Variants in IQCM observed in about 807,000 individuals in gnomAD.
The protein encoded by IQCM is IQ motif containing M, also known as IQ domain-containing protein M.
In IQCM, 45 loss-of-function variants were observed where a neutral mutation model predicts 57.6. That is an observed-to-expected ratio of 0.78 (90% CI 0.62 to 1.00). IQCM has a LOEUF of 1.00. IQCM is among the 50% of genes least tolerant of loss of function. The pLI, the probability that IQCM is intolerant of heterozygous loss-of-function variation, is 0.00. For synonymous variants in IQCM, 148 were observed against 158.9 expected, an observed-to-expected ratio of 0.93 and a Z score of 0.51; for missense variants, 468 against 511.6, an observed-to-expected ratio of 0.91 and a Z score of 0.82.
chr4:149,378,622 C>T (rs1035243017), intron 13 of IQCM, among the ~76,000 whole-genome samples: 24 of 152,086 alleles, frequency 1.6e-4, no homozygotes, highest in African/African-American at 5.3e-4. Context: ...TTCTAAGCAA[C>T]AAAGCATTCA....
chr4:149,505,617 A>G (rs922607361), intron 12 of IQCM, among the ~76,000 whole-genome samples: 1 of 152,216 alleles, frequency 6.6e-6, no homozygotes, highest in Non-Finnish European at 1.5e-5. Flanking sequence ...CACCAGAAAC[A>G]GTTTGTTGCT....
intron 9 of IQCM, among the ~76,000 whole-genome samples, chr4:149,575,511 T>G (rs1206810650): frequency 6.6e-6 from 1 of 151,844 alleles, no homozygotes; most frequent in African/African-American, 2.4e-5. Context: ...GGCAAATTTT[T>G]AAAATAGTTT....
chr4:149,462,171 GGTCTGGAGTGGA>G (rs1355684749), intron 12 of IQCM, among the ~76,000 whole-genome samples: 1 of 152,102 alleles, frequency 6.6e-6, no homozygotes, highest in Non-Finnish European at 1.5e-5. Flanking sequence ...TTATATAGTA[GGTCTGGAGTGGA>G]GCCTGAGATT....
chr4:149,566,946 G>T (rs1750692117), intron 9 of IQCM, among the ~76,000 whole-genome samples: 3 of 152,108 alleles, frequency 2.0e-5, no homozygotes, highest in Admixed American at 6.6e-5. Flanking sequence ...ACAGAGAAAT[G>T]CTTGTGAATC....
At chr4:149,469,574 C>A (rs1211166331) in intron 12 of IQCM, among the ~76,000 whole-genome samples, 1 of 152,068 alleles carries the variant, frequency 6.6e-6, no homozygotes, top group Admixed American at 6.5e-5. Flanking sequence ...GGAGAACTTC[C>A]CCAACCTAGT....
chr4:149,701,493 T>C (rs1490388867), intron 5 of IQCM, among the ~76,000 whole-genome samples: 1 of 152,028 alleles, frequency 6.6e-6, no homozygotes, highest in Non-Finnish European at 1.5e-5. Flanking sequence ...AGGTTGTTTT[T>C]ATTTATTTAA....
rs751057249 is a variant in IQCM, at chr4:149,481,701, G to GTTTTTTTTTTTTGTTTTTTGTTT, written c.1229-48145_1229-48144insAAACAAAAAACAAAAAAAAAAAA. Among the ~76,000 whole-genome samples the GTTTTTTTTTTTTGTTTTTTGTTT allele has an allele frequency of 3.1e-3, 159 of 51,576 alleles. 12 individuals carry two copies. Among genetic ancestry groups the GTTTTTTTTTTTTGTTTTTTGTTT allele is most frequent in the Non-Finnish European group, 3.5e-3 (96 of 27,380 alleles). 33.8% of individuals were successfully genotyped at this position (51,576 alleles called of 152,430 possible). On this transcript the variant is annotated intron_variant, in intron 12 of 13. Coordinates refer to ENST00000636793, the MANE Select transcript of IQCM (RefSeq NM_001363507.2). ...CATGTAATGTGATTCTTCCAGTTTTGTTTTTTTTTTTTTTTTTTTTTGCTT... is the reference window on the plus strand; with the variant it reads ...CATGTAATGTGATTCTTCCAGTTTTGTTTTTTTTTTTTGTTTTTTGTTTTTTTTTTTTTTTTTTTTTTTTGCTT...
intron 7 of IQCM, among the ~76,000 whole-genome samples, chr4:149,653,287 T>C (rs1759353623): frequency 6.6e-6 from 1 of 152,108 alleles, no homozygotes; most frequent in Non-Finnish European, 1.5e-5. Context: ...CACGTTTCCT[T>C]ATCCCATCAG....
intron 2 of IQCM, among the ~76,000 whole-genome samples, chr4:149,744,347 T>A (rs1767730555): frequency 6.6e-6 from 1 of 152,200 alleles, no homozygotes; most frequent in Non-Finnish European, 1.5e-5. Context: ...CTGGCCTGGT[T>A]TAACTACACT....
At chr4:149,698,847 C>T (rs563987215) in intron 5 of IQCM, among the ~76,000 whole-genome samples, 1 of 151,934 alleles carries the variant, frequency 6.6e-6, no homozygotes, top group Non-Finnish European at 1.5e-5. Context: ...CGGTATGACC[C>T]TCAACAAGTT....
intron 2 of IQCM, among the ~76,000 whole-genome samples, chr4:149,798,132 C>A (rs1240390131): frequency 6.6e-6 from 1 of 151,308 alleles, no homozygotes; most frequent in Admixed American, 6.6e-5. Context: ...ACTACAACAA[C>A]TTTTCAAGAC....
intron 2 of IQCM, among the ~76,000 whole-genome samples, chr4:149,756,645 T>C (rs1219125586): frequency 6.6e-6 from 1 of 152,202 alleles, no homozygotes; most frequent in Admixed American, 6.5e-5. Context: ...TGTTTATAAA[T>C]TTAAACAGCT....
intron 7 of IQCM, among the ~76,000 whole-genome samples, chr4:149,628,888 T>C (rs1757026004): frequency 1.3e-5 from 2 of 152,148 alleles, no homozygotes; most frequent in African/African-American, 4.8e-5. Context: ...CAATAAATAA[T>C]AGACCACCAA....
chr4:149,435,216 T>A (rs1735240222), intron 12 of IQCM, among the ~76,000 whole-genome samples: 1 of 152,148 alleles, frequency 6.6e-6, no homozygotes, highest in Non-Finnish European at 1.5e-5. Flanking sequence ...CTATGTTGTT[T>A]CTATCTGCTA....
intron 13 of IQCM, chr4:149,430,096 A>T: frequency 1.1e-6 from 1 of 934,258 alleles, no homozygotes; most frequent in Non-Finnish European, 1.4e-6. Context: ...TTTCAACTTA[A>T]GTTATTCTTT....
In IQCM at chr4:149,545,884, A is replaced by T. The variant is rs182480594; in HGVS notation, c.1228+2571T>A. On this transcript the variant is annotated intron_variant, in intron 12 of 13. Transcript: ENST00000636793. The stretch of plus-strand genomic sequence containing the variant: ...TGCACAACGTGAAGGTTTGTCACAT[A>T]TGTATACATACGCCATGTTGGTGTG... Among the ~76,000 whole-genome samples the T allele has an allele frequency of 4.6e-5, 7 of 152,192 alleles. No homozygotes were observed. In the East Asian group the frequency reaches 1.4e-3, roughly 29 times the overall value.
Position 149,619,121 on chromosome 4 carries a change from TATATATATATAC to T in IQCM, c.681+1996_681+2007del, listed in dbSNP as rs200342271. ...AATGTGGGATGGATATATATATATA[TATATATATATAC>T]ACCATGGAATACTACTCAGTCATAT... On this transcript the variant is annotated intron_variant, in intron 8 of 13. Transcript: ENST00000636793. Among the ~76,000 whole-genome samples the T allele has an allele frequency of 2.0e-5, 3 of 148,494 alleles. 1 individual carries two copies. The highest frequency in any genetic ancestry group is 7.5e-5 in the African/African-American group (3 of 39,938).
At chr4:149,407,817 T>A (rs537699194) in intron 13 of IQCM, among the ~76,000 whole-genome samples, 1 of 152,292 alleles carries the variant, frequency 6.6e-6, no homozygotes, top group African/African-American at 2.4e-5. Context: ...ACAATAAACA[T>A]ATAAACACAG....
chr4:149,462,370 T>C (rs972585900), intron 12 of IQCM, among the ~76,000 whole-genome samples: 1 of 152,252 alleles, frequency 6.6e-6, no homozygotes, highest in South Asian at 2.1e-4. Context: ...AAAATAATGA[T>C]AAATAACTAC....
Sources: allele counts gnomAD v4.1 joint callset (sites outside exome capture counted in the v4.1 genomes callset), GRCh38; gene constraint gnomAD v4.1.1; transcripts MANE v1.5; gene names NCBI Gene and HGNC (gene_info 2026-07-23, HGNC 2026-07-21).